Variants in SUGCT observed in about 807,000 individuals in gnomAD.
The protein encoded by SUGCT is succinyl-CoA:glutarate CoA-transferase.
Under a neutral mutation model 55.0 loss-of-function variants are expected in SUGCT, and 41 were observed. That is an observed-to-expected ratio of 0.74 (90% CI 0.58 to 0.97). The LOEUF (loss-of-function observed/expected upper bound fraction) is 0.97, where lower values mean the gene tolerates loss of function less well. Ranked by LOEUF, SUGCT falls within the 50% of genes least tolerant of loss-of-function variation. The pLI, the probability that SUGCT is intolerant of heterozygous loss-of-function variation, is 0.00. For missense variants in SUGCT, 568 were observed against 547.8 expected, an observed-to-expected ratio of 1.04 and a Z score of -0.37; for synonymous variants, 187 against 200.4, an observed-to-expected ratio of 0.93 and a Z score of 0.56.
At chr7:40,254,770 C>T (rs188279415) in intron 7 of SUGCT, among the ~76,000 whole-genome samples, 5 of 151,916 alleles carry the variant, frequency 3.3e-5, no homozygotes, top group African/African-American at 1.2e-4. Flanking sequence ...CTGTTATATT[C>T]CTCTATCATT....
intron 9 of SUGCT, among the ~76,000 whole-genome samples, chr7:40,443,640 A>G (rs1378785392): frequency 2.0e-5 from 3 of 152,190 alleles, no homozygotes; most frequent in Admixed American, 2.0e-4. Context: ...TGTGATGGGT[A>G]GATTGCAAAA....
chr7:40,880,757 C>T, the SUGCT span, among the ~76,000 whole-genome samples: 1 of 152,154 alleles, frequency 6.6e-6, no homozygotes, highest in Middle Eastern at 3.2e-3. Flanking sequence ...GTGACCTATG[C>T]TGAACCAATG....
rs149950209 is a variant in SUGCT at position 40,352,768 on chromosome 7, G to A, written c.816+35913G>A. Among the ~76,000 whole-genome samples the A allele has an allele frequency of 4.7e-4, 71 of 152,276 alleles. No homozygotes were observed. In the East Asian group the frequency reaches 0.011, roughly 24 times the overall value. ...GCGTGTGTCTTTATGGTAGAATGAC[G>A]TATGTATTCCTTTGGGTGTACACCT... On this transcript the variant is annotated intron_variant, in intron 9 of 13. Coordinates refer to ENST00000335693, the MANE Select transcript of SUGCT (RefSeq NM_001193313.2).
At chr7:40,488,174 A>AT (rs928682862) in intron 11 of SUGCT, among the ~76,000 whole-genome samples, 36 of 148,850 alleles carry the variant, frequency 2.4e-4, no homozygotes, top group African/African-American at 8.7e-4. Flanking sequence ...GGTTATTTGA[A>AT]TTTTTTTCTA....
chr7:40,164,388 A>G (rs1784325110), intron 1 of SUGCT, among the ~76,000 whole-genome samples: 1 of 152,174 alleles, frequency 6.6e-6, no homozygotes, highest in Non-Finnish European at 1.5e-5. Flanking sequence ...TTGGCCTCCC[A>G]AAGTGCTGGG....
chr7:41,035,126 T>A, the SUGCT span, among the ~76,000 whole-genome samples: 2 of 152,232 alleles, frequency 1.3e-5, no homozygotes, highest in East Asian at 3.9e-4. Context: ...AAGTACCCAG[T>A]GCACACAGGC....
chr7:40,335,150 C>T (rs2151159992), intron 9 of SUGCT, among the ~76,000 whole-genome samples: 1 of 152,298 alleles, frequency 6.6e-6, no homozygotes, highest in East Asian at 1.9e-4. Flanking sequence ...GTTTTGGTTA[C>T]TGTAGCCTTG....
chr7:40,980,725 G>C, the SUGCT span, among the ~76,000 whole-genome samples: 1 of 152,034 alleles, frequency 6.6e-6, no homozygotes, highest in Non-Finnish European at 1.5e-5. Flanking sequence ...TTTAGATGGA[G>C]TCTCACTGTC....
intron 12 of SUGCT, among the ~76,000 whole-genome samples, chr7:40,589,470 T>G (rs1797592520): frequency 6.6e-6 from 1 of 152,082 alleles, no homozygotes; most frequent in Non-Finnish European, 1.5e-5. Context: ...AGTCCTCACA[T>G]GGTAAAGGAC....
At chr7:41,032,908 C>A in the SUGCT span, among the ~76,000 whole-genome samples, 4 of 152,298 alleles carry the variant, frequency 2.6e-5, no homozygotes, top group East Asian at 7.7e-4. Flanking sequence ...GGACTATAGG[C>A]ACATGCCATC....
intron 9 of SUGCT, among the ~76,000 whole-genome samples, chr7:40,426,615 T>C (rs781306952): frequency 6.6e-6 from 1 of 152,150 alleles, no homozygotes; most frequent in Admixed American, 6.6e-5. Flanking sequence ...GGTGTTTCCA[T>C]AGATGGAAGA....
intron 13 of SUGCT, among the ~76,000 whole-genome samples, chr7:40,797,320 GT>G (rs774684118): frequency 6.6e-6 from 1 of 151,716 alleles, no homozygotes; most frequent in Non-Finnish European, 1.5e-5. Context: ...TTATAAAACT[GT>G]TTTTTTTAAT....
At chr7:40,527,853 C>G (rs1793885866) in intron 12 of SUGCT, among the ~76,000 whole-genome samples, 1 of 152,188 alleles carries the variant, frequency 6.6e-6, no homozygotes, top group African/African-American at 2.4e-5. Flanking sequence ...TGCATGCCAA[C>G]TCTAAATATG....
chr7:40,542,179 T>C (rs908170658), intron 12 of SUGCT, among the ~76,000 whole-genome samples: 1 of 152,224 alleles, frequency 6.6e-6, no homozygotes, highest in Non-Finnish European at 1.5e-5. Flanking sequence ...CTGAATACTT[T>C]ATGCATAGTA....
chr7:40,619,511 T>A (rs1038233492), intron 12 of SUGCT, among the ~76,000 whole-genome samples: 4 of 152,214 alleles, frequency 2.6e-5, no homozygotes, highest in African/African-American at 9.6e-5. Flanking sequence ...TTCTGCCAAT[T>A]TTATGATTGA....
chr7:40,566,313 A>G lies in SUGCT; in HGVS notation c.1089+69927A>G, dbSNP rs571765229. 4.6e-5 allele frequency among the ~76,000 whole-genome samples: 7 copies of G among 152,286 alleles called. No individual in the cohort carries two copies. In the South Asian group the frequency reaches 1.4e-3, roughly 32 times the overall value. Reference sequence around the variant, plus strand: ...CCAGGAAGGGCCCTGTTTTCAGGACATTTGGCCGTCGTGACTCTGGTATGG... The same window carrying G: ...CCAGGAAGGGCCCTGTTTTCAGGACGTTTGGCCGTCGTGACTCTGGTATGG... On this transcript the variant is annotated intron_variant, in intron 12 of 13. Transcript: ENST00000335693.
At chr7:40,681,166 A>T (rs1478529781) in intron 12 of SUGCT, among the ~76,000 whole-genome samples, 2 of 152,120 alleles carry the variant, frequency 1.3e-5, no homozygotes, top group African/African-American at 4.8e-5. Flanking sequence ...ATGAGACAGC[A>T]TGACTCATTA....
At chr7:40,948,410 GC>G in the SUGCT span, among the ~76,000 whole-genome samples, 1 of 151,170 alleles carries the variant, frequency 6.6e-6, no homozygotes. Flanking sequence ...GTCAACTCTG[GC>G]AGTAACTTCC....
chr7:40,632,329 G>A (rs771690140), intron 12 of SUGCT, among the ~76,000 whole-genome samples: 4 of 151,828 alleles, frequency 2.6e-5, no homozygotes, highest in Non-Finnish European at 4.4e-5. Flanking sequence ...CCTGGCATGT[G>A]GTGTATAACT....
Sources: allele counts gnomAD v4.1 joint callset (sites outside exome capture counted in the v4.1 genomes callset), GRCh38; gene constraint gnomAD v4.1.1; transcripts MANE v1.5; gene names NCBI Gene and HGNC (gene_info 2026-07-23, HGNC 2026-07-21).